Variants in ZNF420 observed in about 807,000 individuals in gnomAD.
ZNF420 encodes zinc finger protein 420, also known as ATM and p53-associated KZNF protein.
ZNF420 carries 31 observed loss-of-function variants against 44.7 expected under a neutral mutation model. The observed-to-expected ratio is 0.69, with a 90% CI of 0.52 to 0.94. The LOEUF (loss-of-function observed/expected upper bound fraction) is 0.94. Among genes scored for constraint, ZNF420 ranks in the 40% least tolerant of loss-of-function variants. ZNF420 has a pLI of 0.00. For missense variants in ZNF420, 681 were observed against 827.9 expected (o/e 0.82, Z 2.18); for synonymous variants, 245 against 267.4 (o/e 0.92, Z 0.82).
intron 1 of ZNF420, among the ~76,000 whole-genome samples, chr19:37,049,695 T>C (rs1967604580): frequency 6.6e-6 from 1 of 152,234 alleles, no homozygotes; most frequent in Admixed American, 6.5e-5. Flanking sequence ...TAGTTTCTTT[T>C]GCTGTGCAGA....
intron 1 of ZNF420, among the ~76,000 whole-genome samples, chr19:37,045,733 A>G (rs1432840780): frequency 6.6e-6 from 1 of 152,234 alleles, no homozygotes; most frequent in Non-Finnish European, 1.5e-5. Context: ...CCAGGCCAAG[A>G]ACAGTGAGTT....
chr19:37,051,881 A>G (rs1288539956), intron 1 of ZNF420, among the ~76,000 whole-genome samples: 1 of 152,116 alleles, frequency 6.6e-6, no homozygotes, highest in Non-Finnish European at 1.5e-5. Context: ...CCCTCCACAC[A>G]CTGCTTTGAA....
In ZNF420 at chr19:37,128,286, C is replaced by T. The variant is rs765775037; in HGVS notation, c.1295C>T (p.Ser432Leu). 5.6e-6 allele frequency: 9 copies of T among 1,613,708 alleles called. No homozygotes were observed. The highest frequency in any genetic ancestry group is 1.7e-5 in the Admixed American group (1 of 59,988). The change falls in exon 5 of 5, where the codon TCA becomes TTA. Residue 432 changes from serine (S) to leucine (L), a missense_variant. Around this residue, in one of 3 missense-constraint regions of ZNF420, gnomAD observed 280 missense variants for 338.6 expected, o/e 0.83. Coordinates refer to ENST00000337995, the MANE Select transcript of ZNF420 (RefSeq NM_144689.5). ...KECGKAFNRG[S>L]LLTRHQRIHT... ...TGTGGAAAAGCGTTTAATCGTGGCT[C>T]ACTCCTTACACGACACCAGAGGATT... is the stretch of plus-strand genomic sequence containing the variant.
chr19:37,098,544 T>C (rs1398991408), intron 4 of ZNF420, among the ~76,000 whole-genome samples: 4 of 152,240 alleles, frequency 2.6e-5, no homozygotes, highest in South Asian at 2.1e-4. Flanking sequence ...ATAAACACTT[T>C]TAAAAGTTTT....
chr19:37,039,192 C>T (rs1967410988), intron 1 of ZNF420, among the ~76,000 whole-genome samples: 1 of 152,180 alleles, frequency 6.6e-6, no homozygotes, highest in Non-Finnish European at 1.5e-5. Context: ...TACCTCATCT[C>T]AAGAATCATG....
At chr19:37,089,790 A>G (rs1969032475) in intron 3 of ZNF420, among the ~76,000 whole-genome samples, 1 of 152,210 alleles carries the variant, frequency 6.6e-6, no homozygotes, top group African/African-American at 2.4e-5. Context: ...AGAATTATAA[A>G]CTCTGAGAAC....
chr19:37,026,830 GATA>G (rs548167620), intron 1 of ZNF420, among the ~76,000 whole-genome samples: 122 of 152,304 alleles, frequency 8.0e-4, no homozygotes, highest in African/African-American at 2.8e-3. Flanking sequence ...TGGACAAACA[GATA>G]ATAATTCTAA....
intron 1 of ZNF420, among the ~76,000 whole-genome samples, chr19:37,050,774 G>A (rs1293546868): frequency 6.6e-6 from 1 of 152,142 alleles, no homozygotes; most frequent in African/African-American, 2.4e-5. Flanking sequence ...GGTGAGAGAG[G>A]GCATCCCTGT....
intron 4 of ZNF420, among the ~76,000 whole-genome samples, chr19:37,122,500 T>C (rs998086455): frequency 2.0e-5 from 3 of 151,988 alleles, no homozygotes; most frequent in Admixed American, 1.3e-4. Flanking sequence ...CATTAGGAGA[T>C]ATACCTAATG....
intron 1 of ZNF420, among the ~76,000 whole-genome samples, chr19:37,061,319 T>C (rs1967876472): frequency 6.6e-6 from 1 of 152,256 alleles, no homozygotes; most frequent in South Asian, 2.1e-4. Context: ...GTAAAATTCA[T>C]GTCTTCTATA....
chr19:37,018,767 A>G (rs1042329641), intron 1 of ZNF420, among the ~76,000 whole-genome samples: 1 of 152,006 alleles, frequency 6.6e-6, no homozygotes, highest in African/African-American at 2.4e-5. Context: ...GCGGGGTTTC[A>G]CCATGTTGGC....
At chr19:37,054,206 A>G (rs1967699470) in intron 1 of ZNF420, among the ~76,000 whole-genome samples, 2 of 152,190 alleles carry the variant, frequency 1.3e-5, no homozygotes, top group South Asian at 4.1e-4. Context: ...AGGCCGTTGG[A>G]AAAGCTCAGT....
In ZNF420 at chr19:37,127,878, T is replaced by A; in HGVS notation, c.887T>A (p.Leu296Gln). The change falls in exon 5 of 5, where the codon CTG becomes CAG. Residue 296 changes from leucine to glutamine, a missense_variant. Around this residue, in one of 3 missense-constraint regions of ZNF420, gnomAD observed 350 missense variants for 382.5 expected, o/e 0.92. Transcript: ENST00000337995. ...KVFTQLSQLILHKRIHTGEKP... is the reference protein window; with the variant it reads ...KVFTQLSQLIQHKRIHTGEKP... The stretch of plus-strand genomic sequence containing the variant: ...TTTACTCAGCTCTCACAACTTATTC[T>A]GCATAAGAGAATTCATACCGGTGAG... 1 of 1,613,926 alleles carries A rather than the reference T, an allele frequency of 6.2e-7. No homozygotes were observed. The highest frequency in any genetic ancestry group is 1.1e-5 in the South Asian group (1 of 91,066).
chr19:37,083,453 C>T (rs1035892853), intron 2 of ZNF420, among the ~76,000 whole-genome samples: 2 of 152,036 alleles, frequency 1.3e-5, no homozygotes, highest in Non-Finnish European at 2.9e-5. Flanking sequence ...ATTGGTTTTT[C>T]TCTTATTATT....
At chr19:37,030,507 G>C (rs1214250346) in intron 1 of ZNF420, among the ~76,000 whole-genome samples, 2 of 152,264 alleles carry the variant, frequency 1.3e-5, no homozygotes, top group East Asian at 3.9e-4. Flanking sequence ...CCACATGTAA[G>C]TAAGGTCATG....
At chr19:37,124,879 C>G (rs1463719241) in intron 4 of ZNF420, among the ~76,000 whole-genome samples, 1 of 152,018 alleles carries the variant, frequency 6.6e-6, no homozygotes, top group African/African-American at 2.4e-5. Context: ...CACTGTCACC[C>G]AGGCTGGTGT....
intron 4 of ZNF420, among the ~76,000 whole-genome samples, chr19:37,120,862 C>A (rs1431180380): frequency 6.6e-6 from 1 of 152,118 alleles, no homozygotes; most frequent in Admixed American, 6.6e-5. Context: ...CATGAGTGAA[C>A]TCCCATTCAC....
intron 3 of ZNF420, among the ~76,000 whole-genome samples, chr19:37,089,694 T>A (rs1203253759): frequency 1.3e-5 from 2 of 152,212 alleles, no homozygotes; most frequent in African/African-American, 4.8e-5. Flanking sequence ...ACCTTTCTAT[T>A]GTTTAGAATG....
chr19:37,014,951 G>C (rs1215890881), intron 1 of ZNF420, among the ~76,000 whole-genome samples: 1 of 152,200 alleles, frequency 6.6e-6, no homozygotes, highest in Non-Finnish European at 1.5e-5. Flanking sequence ...GATGTATCAG[G>C]CCTGCCTAGA....
Sources: allele counts gnomAD v4.1 joint callset (sites outside exome capture counted in the v4.1 genomes callset), GRCh38; gene constraint gnomAD v4.1.1; regional missense constraint gnomAD v4.1.1; transcripts MANE v1.5; gene names NCBI Gene and HGNC (gene_info 2026-07-23, HGNC 2026-07-21).